The following RP1 variants were observed in gnomAD, a reference collection of about 807,000 sequenced individuals.
RP1 encodes RP1 axonemal microtubule associated, also known as oxygen-regulated protein 1.
Under a neutral mutation model 14.8 loss-of-function variants are expected in RP1, and 16 were observed. The observed-to-expected ratio is 1.08, with a 90% CI of 0.73 to 1.65. The LOEUF is 1.65. Among genes scored for constraint, RP1 ranks in the 40% most tolerant of loss-of-function variants. RP1 has a pLI of 0.00. For missense variants in RP1, 2,631 were observed against 2,535.0 expected, an observed-to-expected ratio of 1.04 and a Z score of -0.81; for synonymous variants, 876 against 883.6, an observed-to-expected ratio of 0.99 and a Z score of 0.15.
At chr8:54,728,009 C>G (rs1808698144) in intron 17 of RP1, among the ~76,000 whole-genome samples, 1 of 152,020 alleles carries the variant, frequency 6.6e-6, no homozygotes, top group South Asian at 2.1e-4. Flanking sequence ...CTTTTTAAAA[C>G]TTTGACCTGT....
intron 22 of RP1, among the ~76,000 whole-genome samples, chr8:54,762,285 G>A (rs1809658097): frequency 6.6e-6 from 1 of 152,152 alleles, no homozygotes; most frequent in Non-Finnish European, 1.5e-5. Context: ...ACCACCGAGT[G>A]CTTGTCCCTT....
chr8:54,607,838 T>C (rs971689702), intron 1 of RP1, among the ~76,000 whole-genome samples: 11 of 152,334 alleles, frequency 7.2e-5, no homozygotes, highest in South Asian at 4.1e-4. Context: ...TAGGACCCTC[T>C]GAGCCATGCG....
chr8:54,678,952 G>A (rs1563345297), intron 9 of RP1, among the ~76,000 whole-genome samples: 1 of 151,738 alleles, frequency 6.6e-6, no homozygotes, highest in Non-Finnish European at 1.5e-5. Flanking sequence ...TGATTTTTGA[G>A]TTATTTTCCC....
rs1806206730 is a variant in RP1, at chr8:54,629,999, ATCATTG to A, written c.6119_6124del (p.Ser2040_Leu2041del). ...GGTTTTGTATGAATTTCTTGCACAC[ATCATTG>A]TTAGTTGTGGGTAATGTGGATTCAA... On this transcript the variant is annotated inframe_deletion, in exon 4 of 4. Transcript: ENST00000220676. 1 of 1,613,960 alleles carries A rather than the reference ATCATTG, an allele frequency of 6.2e-7. No homozygotes were observed. The highest frequency in any genetic ancestry group is 1.3e-5 in the African/African-American group (1 of 74,930).
chr8:54,608,706 T>C (rs1805519803), intron 1 of RP1, among the ~76,000 whole-genome samples: 1 of 152,164 alleles, frequency 6.6e-6, no homozygotes, highest in African/African-American at 2.4e-5. Context: ...AAAAAGAAAA[T>C]TAGAGAGTAA....
chr8:54,588,797 C>T (rs1264923694), intron 1 of RP1, among the ~76,000 whole-genome samples: 12 of 152,164 alleles, frequency 7.9e-5, no homozygotes, highest in Admixed American at 7.9e-4. Flanking sequence ...ACTGTATCCT[C>T]TATCTTGGAA....
chr8:54,722,437 A>AT (rs1293228594), intron 16 of RP1, among the ~76,000 whole-genome samples: 3 of 151,716 alleles, frequency 2.0e-5, no homozygotes, highest in African/African-American at 4.8e-5. Flanking sequence ...CGCCCAGCTA[A>AT]TTTTTTGTAT....
chr8:54,572,932 C>A (rs978501820), intron 1 of RP1, among the ~76,000 whole-genome samples: 1 of 152,126 alleles, frequency 6.6e-6, no homozygotes, highest in African/African-American at 2.4e-5. Context: ...TATTTAAGAA[C>A]CAAATCAGAG....
Position 54,585,642 on chromosome 8 carries a change from G to A in RP1, c.-13+26322G>A, listed in dbSNP as rs187777903. On this transcript the variant is annotated intron_variant, in intron 1 of 22. Coordinates refer to the RP1 transcript ENST00000636932. The stretch of plus-strand genomic sequence containing the variant: ...GTCACTTTCGGGTACACCAATAAGA[G>A]GTAGATTTGGTCTTTTCACATAGTC... Among the ~76,000 whole-genome samples the A allele has an allele frequency of 1.4e-3, 215 of 152,246 alleles. 1 individual carries two copies. The highest frequency in any genetic ancestry group is 3.5e-3 in the African/African-American group (146 of 41,556).
intron 3 of RP1, among the ~76,000 whole-genome samples, chr8:54,642,622 A>T (rs1215714580): frequency 6.6e-6 from 1 of 152,164 alleles, no homozygotes; most frequent in African/African-American, 2.4e-5. Flanking sequence ...GTATTTAAAG[A>T]TACATGATTG....
rs530381502 is a variant in RP1 at position 54,595,551 on chromosome 8, G to A, written c.-12-25404G>A. On this transcript the variant is annotated intron_variant, in intron 1 of 22. Transcript: ENST00000636932. ...CATCTTAATACTTCTCTCTGGCAGG[G>A]TGCTAGGAGCATACCAGGGGAGATT... Among the ~76,000 whole-genome samples, 8 of 152,306 alleles carry A rather than the reference G, an allele frequency of 5.3e-5. No homozygotes were observed. The South Asian group carries it at 1.7e-3, about 32-fold the overall frequency.
chr8:54,831,515 A>G (rs557239427), intron 24 of RP1, among the ~76,000 whole-genome samples: 1 of 149,086 alleles, frequency 6.7e-6, no homozygotes, highest in South Asian at 2.1e-4. Flanking sequence ...TTCTTATCAC[A>G]TAGAGTAAAC....
intron 24 of RP1, among the ~76,000 whole-genome samples, chr8:54,792,990 A>G (rs1563378086): frequency 6.6e-6 from 1 of 151,846 alleles, no homozygotes; most frequent in Non-Finnish European, 1.5e-5. Flanking sequence ...AAAATTATCA[A>G]TGAAAAAGAA....
intron 12 of RP1, among the ~76,000 whole-genome samples, chr8:54,683,832 T>C (rs963343293): frequency 6.6e-6 from 1 of 152,110 alleles, no homozygotes; most frequent in Non-Finnish European, 1.5e-5. Flanking sequence ...CTTCCAATAA[T>C]ATGTTGAATA....
intron 28 of RP1, among the ~76,000 whole-genome samples, chr8:54,867,336 G>A (rs1332831957): frequency 2.6e-5 from 4 of 152,150 alleles, no homozygotes; most frequent in Non-Finnish European, 5.9e-5. Flanking sequence ...CATTTAAAGT[G>A]CATGTAGTAG....
In RP1 at chr8:54,630,285, A is replaced by T; in HGVS notation, c.6403A>T (p.Ile2135Phe). The T allele has an allele frequency of 6.2e-7, 1 of 1,613,744 alleles. No homozygotes were observed. The highest frequency in any genetic ancestry group is 8.5e-7 in the Non-Finnish European group (1 of 1,179,828). The change falls in exon 4 of 4, where the codon ATT becomes TTT. Residue 2135 changes from isoleucine to phenylalanine, a missense_variant. By Grantham distance (21) the Ile-to-Phe change is conservative. Coordinates refer to ENST00000220676, the MANE Select transcript of RP1 (RefSeq NM_006269.2). ...LCMFEGENLF[I>F]WEEEDILNLT... ...TATGTTTGAGGGTGAAAATCTTTTC[A>T]TTTGGGAAGAGGAAGACATATTAAA...
At chr8:54,639,372 T>C (rs1360004722) in intron 3 of RP1, among the ~76,000 whole-genome samples, 2 of 152,252 alleles carry the variant, frequency 1.3e-5, no homozygotes, top group East Asian at 3.8e-4. Context: ...ATATAAGTTA[T>C]ATAAACATTC....
chr8:54,717,254 A>T (rs1808425606), intron 15 of RP1, among the ~76,000 whole-genome samples: 1 of 152,134 alleles, frequency 6.6e-6, no homozygotes, highest in Non-Finnish European at 1.5e-5. Context: ...ATTTGTTAAA[A>T]CCCTTCCATT....
chr8:54,575,908 T>A (rs1804630361), intron 1 of RP1, among the ~76,000 whole-genome samples: 1 of 152,224 alleles, frequency 6.6e-6, no homozygotes, highest in Non-Finnish European at 1.5e-5. Flanking sequence ...TTGTTCTTTC[T>A]CACGTGAGTG....
Sources: gnomAD v4.1 joint callset for allele counts (sites outside exome capture counted in the v4.1 genomes callset) on GRCh38, gnomAD v4.1.1 for gene constraint, MANE v1.5 for transcripts, NCBI Gene and HGNC (gene_info 2026-07-23, HGNC 2026-07-21) for gene names.